Variants in COL5A2 observed in about 807,000 individuals in gnomAD.
The protein encoded by COL5A2 is collagen alpha-2(V) chain.
Under a neutral mutation model 208.2 loss-of-function variants are expected in COL5A2, and 23 were observed. The observed-to-expected ratio is 0.11, with a 90% confidence interval of 0.08 to 0.16. COL5A2 has a LOEUF of 0.16. COL5A2 is among the 10% of genes least tolerant of loss of function. COL5A2 has a pLI of 1.00. For synonymous variants in COL5A2, 625 were observed against 628.5 expected (o/e 0.99, Z 0.08); for missense variants, 1,590 against 1,956.4 (o/e 0.81, Z 3.53).
At chr2:189,337,548 G>A in the COL5A2 span, among the ~76,000 whole-genome samples, 178 of 152,146 alleles carry the variant, frequency 1.2e-3, 2 homozygotes, top group African/African-American at 4.0e-3. Context: ...TTAGAATTGT[G>A]GGATTAATCC....
intron 21 of COL5A2, 106 bp downstream of exon 21, chr2:189,067,908 GA>G: frequency 1.1e-6 from 1 of 933,956 alleles, no homozygotes; most frequent in Non-Finnish European, 1.7e-6. Flanking sequence ...CCCACATTTG[GA>G]TAAGTCACGT....
the COL5A2 span, among the ~76,000 whole-genome samples, chr2:189,258,740 G>C: frequency 5.9e-5 from 9 of 152,050 alleles, no homozygotes; most frequent in African/African-American, 2.2e-4. Context: ...AAAGAGGAAG[G>C]ACAGGGAACC....
In COL5A2 at chr2:189,065,186, T is replaced by C. The variant is rs1686122074; in HGVS notation, c.1564-129A>G. On this transcript the variant is annotated intron_variant, in intron 23 of 53. Coordinates refer to ENST00000374866, the MANE Select transcript of COL5A2 (RefSeq NM_000393.5). The stretch of plus-strand genomic sequence containing the variant: ...CATCAAGCCAACATGGCTATAGATA[T>C]GCATGAGAAAAATCTGACTCGATGG... The C allele has an allele frequency of 8.6e-6, 7 of 816,542 alleles. No homozygotes were observed. In the South Asian group the frequency reaches 1.0e-4, roughly 12 times the overall value. The allele number at this position is 816,542 out of a possible 1,614,324, so 50.6% of individuals were successfully genotyped here.
the COL5A2 span, among the ~76,000 whole-genome samples, chr2:189,365,950 G>A: frequency 6.6e-6 from 1 of 152,184 alleles, no homozygotes; most frequent in Admixed American, 6.5e-5. Flanking sequence ...AATGTCTCAT[G>A]TGCAACTGAG....
At chr2:189,311,317 C>G in the COL5A2 span, 16 of 1,140,554 alleles carry the variant, frequency 1.4e-5, no homozygotes, top group East Asian at 3.0e-4. Flanking sequence ...CATCCACTAT[C>G]TGGCAGGTGG....
At chr2:189,431,411 T>C in the COL5A2 span, among the ~76,000 whole-genome samples, 1 of 152,092 alleles carries the variant, frequency 6.6e-6, no homozygotes, top group South Asian at 2.1e-4. Flanking sequence ...TAAAAGAGCA[T>C]GTTTTAACCC....
At chr2:189,367,478 C>A in the COL5A2 span, among the ~76,000 whole-genome samples, 2 of 152,162 alleles carry the variant, frequency 1.3e-5, no homozygotes, top group Non-Finnish European at 2.9e-5. Flanking sequence ...TCTCCCAGAT[C>A]GACTACACTA....
At chr2:189,226,599 GT>G (rs1442850849), upstream of COL5A2, among the ~76,000 whole-genome samples, 1 of 152,108 alleles carries the variant, frequency 6.6e-6, no homozygotes, top group African/African-American at 2.4e-5. Context: ...TCTCAGGGAG[GT>G]TTTTGTCTTG....
the COL5A2 span, among the ~76,000 whole-genome samples, chr2:189,246,577 C>T: frequency 6.6e-6 from 1 of 152,142 alleles, no homozygotes; most frequent in Non-Finnish European, 1.5e-5. Context: ...TAGCACTTAG[C>T]TACATACCTT....
At chr2:189,399,484 A>C in the COL5A2 span, among the ~76,000 whole-genome samples, 1 of 152,096 alleles carries the variant, frequency 6.6e-6, no homozygotes, top group Non-Finnish European at 1.5e-5. Flanking sequence ...CTCTGACCTC[A>C]GATGATCCAC....
the COL5A2 span, among the ~76,000 whole-genome samples, chr2:189,403,695 T>G: frequency 7.5e-4 from 114 of 152,348 alleles, no homozygotes; most frequent in African/African-American, 2.6e-3. Context: ...TTGCCTTTAG[T>G]TCTATTTACG....
At position 189,110,190 on chromosome 2, in the gene COL5A2, T is replaced by C; in HGVS notation, c.322+35A>G. 3 of 1,401,402 alleles carry C rather than the reference T, an allele frequency of 2.1e-6. No individual in the cohort carries two copies. In the South Asian group the frequency reaches 3.5e-5, roughly 16 times the overall value. 86.8% of individuals were successfully genotyped at this position (1,401,402 alleles called of 1,614,324 possible). ...CACTGCAACTATAAAGGTGAGTAAC[T>C]GGATCAATTATGAGTTGGCCCTAAA... On this transcript the variant is annotated intron_variant, in intron 2 of 53. Transcript: ENST00000374866.
At chr2:189,152,626 C>T (rs1340891537) in intron 1 of COL5A2, among the ~76,000 whole-genome samples, 1 of 152,124 alleles carries the variant, frequency 6.6e-6, no homozygotes, top group East Asian at 1.9e-4. Context: ...AAAATAGTTG[C>T]AGTATGAATT....
intron 35 of COL5A2, among the ~76,000 whole-genome samples, chr2:189,055,192 C>A (rs1398846783): frequency 6.6e-6 from 1 of 152,116 alleles, no homozygotes. Flanking sequence ...CAGTTTTCTT[C>A]ATTCTTTTGA....
chr2:189,187,968 C>CAAA (rs71020986), intron 1 of COL5A2, among the ~76,000 whole-genome samples: 1 of 139,634 alleles, frequency 7.2e-6, no homozygotes. Context: ...GACTCTGTCT[C>CAAA]AAAAAAAAAA....
the COL5A2 span, among the ~76,000 whole-genome samples, chr2:189,254,146 G>C: frequency 2.0e-5 from 3 of 152,212 alleles, no homozygotes; most frequent in East Asian, 5.8e-4. Context: ...ATACAATTTA[G>C]TTCTCTGTTG....
chr2:189,389,081 T>A, the COL5A2 span, among the ~76,000 whole-genome samples: 1 of 151,900 alleles, frequency 6.6e-6, no homozygotes, highest in Non-Finnish European at 1.5e-5. Flanking sequence ...TTTTTAGGAG[T>A]TTTTTTTGAT....
At chr2:189,129,208 T>G (rs1687664716) in intron 1 of COL5A2, among the ~76,000 whole-genome samples, 1 of 151,934 alleles carries the variant, frequency 6.6e-6, no homozygotes, top group African/African-American at 2.4e-5. Flanking sequence ...AACTACCTTA[T>G]AGAAAACAGA....
intron 1 of COL5A2, among the ~76,000 whole-genome samples, chr2:189,208,452 A>G (rs964431179): frequency 6.6e-6 from 1 of 152,252 alleles, no homozygotes; most frequent in African/African-American, 2.4e-5. Context: ...GATTTTGTCA[A>G]TAAAAAGGAT....
Sources: gnomAD v4.1 joint callset for allele counts (sites outside exome capture counted in the v4.1 genomes callset) on GRCh38, gnomAD v4.1.1 for gene constraint, MANE v1.5 for transcripts, NCBI Gene and HGNC (gene_info 2026-07-23, HGNC 2026-07-21) for gene names.